Variants in ABCA5 observed in about 807,000 individuals in gnomAD.
ABCA5 encodes the protein cholesterol transporter ABCA5.
Under a neutral mutation model 206.0 loss-of-function variants are expected in ABCA5, and 163 were observed. The ratio of observed to expected loss-of-function variants is 0.79; its 90% CI spans 0.70 to 0.90. ABCA5 has a LOEUF of 0.90. Ranked by LOEUF, ABCA5 falls within the 40% of genes least tolerant of loss-of-function variation. The pLI, the probability that ABCA5 is intolerant of heterozygous loss-of-function variation, is 0.00. For synonymous variants in ABCA5, 609 were observed against 613.8 expected (o/e 0.99, Z 0.11); for missense variants, 1,859 against 1,912.9 (o/e 0.97, Z 0.53).
At chr17:69,248,671 T>C (rs982276195) in intron 37 of ABCA5, 1 of 187,360 alleles carries the variant, frequency 5.3e-6, no homozygotes, top group Non-Finnish European at 1.1e-5. Context: ...AACTAGATTC[T>C]GGATATTGGT....
At chr17:69,291,932 G>A (rs540526695) in intron 11 of ABCA5, among the ~76,000 whole-genome samples, 5 of 152,006 alleles carry the variant, frequency 3.3e-5, no homozygotes, top group African/African-American at 1.2e-4. Context: ...GGGCAACATG[G>A]CGAAATCCCG....
chr17:69,267,993 CAAT>C lies in ABCA5; in HGVS notation c.3091_3093del (p.Ile1031del), dbSNP rs2075229663. 7.4e-6 allele frequency: 12 copies of C among 1,612,186 alleles called. No individual in the cohort carries two copies. The highest frequency in any genetic ancestry group is 1.0e-5 in the Non-Finnish European group (12 of 1,178,804). ...GCAAAGTAAGGTGGCATTGCAGTAA[CAAT>C]GATTCCAAGCAAAGCTGCTTGAAAA... On this transcript the variant is annotated inframe_deletion, in exon 23 of 39. Transcript: ENST00000392676.
chr17:69,303,788 ATATAT>A (rs2075678620), intron 7 of ABCA5, among the ~76,000 whole-genome samples: 4 of 5,098 alleles, frequency 7.8e-4, no homozygotes, highest in Non-Finnish European at 5.4e-3. Context: ...AAAAAAAAAT[ATATAT>A]ATATATATAT....
chr17:69,309,058 G>A lies in ABCA5; in HGVS notation c.469+204C>T, dbSNP rs146854005. ...ATATAAATGTATTAAATCAAAATGG[G>A]TATATATAAAAATGTTTTATGTGTA... On this transcript the variant is annotated intron_variant, in intron 4 of 38. Coordinates refer to ENST00000392676, the MANE Select transcript of ABCA5 (RefSeq NM_172232.4). Among the ~76,000 whole-genome samples the A allele has an allele frequency of 7.7e-3, 1,165 of 152,012 alleles. 40 individuals are homozygous for A. The highest frequency in any genetic ancestry group is 0.059 in the Admixed American group (895 of 15,256).
rs762680374 is a variant in ABCA5, at chr17:69,304,818, G to A, written c.789-8C>T. 3.2e-6 allele frequency: 5 copies of A among 1,579,964 alleles called. No individual in the cohort carries two copies. The highest frequency in any genetic ancestry group is 4.3e-6 in the Non-Finnish European group (5 of 1,166,314). ...AGAAGAACCCAGGAAAGCCTAAAAT[G>A]AGAATACAGATATAGTTATGGTCAA... On this transcript the variant is annotated splice_region_variant and splice_polypyrimidine_tract_variant and intron_variant, in intron 6 of 38. Coordinates refer to ENST00000392676, the MANE Select transcript of ABCA5 (RefSeq NM_172232.4).
At position 69,309,248 on chromosome 17, in the gene ABCA5, G is replaced by T; in HGVS notation, c.469+14C>A. 1 of 1,536,022 alleles carries T rather than the reference G, an allele frequency of 6.5e-7. No individual in the cohort carries two copies. The highest frequency in any genetic ancestry group is 8.7e-7 in the Non-Finnish European group (1 of 1,146,476). ...CATTTAATTGATCTTCAATGATTAT[G>T]TAGGGCTATTTACCTCTTGAATCCA... On this transcript the variant is annotated intron_variant, in intron 4 of 38. Coordinates refer to ENST00000392676, the MANE Select transcript of ABCA5 (RefSeq NM_172232.4).
chr17:69,252,836 CA>C (rs34161698), intron 34 of ABCA5, among the ~76,000 whole-genome samples: 43,341 of 96,866 alleles, frequency 0.45, 7,154 homozygotes, highest in Middle Eastern at 0.56. Flanking sequence ...GACTCTGACT[CA>C]AAAAAAAAAA....
intron 11 of ABCA5, among the ~76,000 whole-genome samples, chr17:69,294,160 T>C (rs1482505459): frequency 6.6e-6 from 1 of 152,238 alleles, no homozygotes; most frequent in African/African-American, 2.4e-5. Context: ...TACTACATTT[T>C]ACTTTTACAA....
At chr17:69,321,426 A>G (rs2075864743) in intron 1 of ABCA5, among the ~76,000 whole-genome samples, 2 of 152,224 alleles carry the variant, frequency 1.3e-5, no homozygotes, top group Non-Finnish European at 2.9e-5. Flanking sequence ...CTTGGGATAC[A>G]AGAAACCCCG....
At chr17:69,250,427 C>T in intron 36 of ABCA5, 45 bp downstream of exon 36, 1 of 1,549,462 alleles carries the variant, frequency 6.5e-7, no homozygotes, top group African/African-American at 1.4e-5. Flanking sequence ...CTTTTTATAA[C>T]CTTTGCTCTA....
In ABCA5 at chr17:69,303,793, T is replaced by TATACAC. The variant is rs1555584048; in HGVS notation, c.930+875_930+876insGTGTAT. On this transcript the variant is annotated intron_variant, in intron 7 of 38. Coordinates refer to ENST00000392676, the MANE Select transcript of ABCA5 (RefSeq NM_172232.4). ...AAAAAAAAAAAAAAAAAAATATATA[T>TATACAC]ATATATATATATATACATACATATA... Among the ~76,000 whole-genome samples the TATACAC allele has an allele frequency of 3.1e-3, 14 of 4,488 alleles. 3 individuals are homozygous for TATACAC. The highest frequency in any genetic ancestry group is 0.1 in the South Asian group (1 of 10). The allele number at this position is 4,488 out of a possible 152,430, so 2.9% of individuals were successfully genotyped here.
rs61315865 is a variant in ABCA5 at position 69,293,833 on chromosome 17, GGT to G, written c.1495+820_1495+821del. Among the ~76,000 whole-genome samples the G allele has an allele frequency of 3.3e-3, 404 of 123,802 alleles. 5 individuals are homozygous for G. The highest frequency in any genetic ancestry group is 0.011 in the African/African-American group (351 of 33,416). 81.2% of individuals were successfully genotyped at this position (123,802 alleles called of 152,430 possible). The stretch of plus-strand genomic sequence containing the variant: ...TAATCCCCCACCCTACAATCATACT[GGT>G]GTGTGTGTGTGTGTGTGTGTGTGTG... On this transcript the variant is annotated intron_variant, in intron 11 of 38. Transcript: ENST00000392676.
In ABCA5 at chr17:69,287,878, A is replaced by G. The variant is rs2075477196; in HGVS notation, c.1903-127T>C. 7 of 879,656 alleles carry G rather than the reference A, an allele frequency of 8.0e-6. No homozygotes were observed. The South Asian group carries it at 2.4e-4, about 30-fold the overall frequency. The allele number at this position is 879,656 out of a possible 1,614,324, so 54.5% of individuals were successfully genotyped here. ...TTCAATCAGAAATATATTAGATCAGATTTTTTCATTCATAATTGAGTTCAC... is the reference window on the plus strand; with the variant it reads ...TTCAATCAGAAATATATTAGATCAGGTTTTTTCATTCATAATTGAGTTCAC... On this transcript the variant is annotated intron_variant, in intron 14 of 38. Coordinates refer to ENST00000392676, the MANE Select transcript of ABCA5 (RefSeq NM_172232.4).
In ABCA5 at chr17:69,245,826, T is replaced by C. The variant is rs1461052264; in HGVS notation, c.*1711A>G. On this transcript the variant is annotated 3_prime_UTR_variant, in exon 39 of 39. Transcript: ENST00000392676. ...AAATCTACGTGCAAAAGCAGGTAAT[T>C]TTCTTCATTAGTCATGCTCTATCTT... 6.6e-6 allele frequency: 1 copy of C among 151,976 alleles called. No individual in the cohort carries two copies. Among genetic ancestry groups the C allele is most frequent in the Non-Finnish European group, 1.5e-5 (1 of 67,838 alleles). The allele number at this position is 151,976 out of a possible 1,614,324, so 9.4% of individuals were successfully genotyped here.
chr17:69,279,873 A>T (rs2075372799), intron 18 of ABCA5, among the ~76,000 whole-genome samples: 1 of 152,220 alleles, frequency 6.6e-6, no homozygotes, highest in Admixed American at 6.5e-5. Context: ...ACCTTGTACA[A>T]AAATCAATTC....
chr17:69,275,995 TTG>T (rs1339941015), intron 19 of ABCA5, among the ~76,000 whole-genome samples: 2 of 151,444 alleles, frequency 1.3e-5, no homozygotes, highest in Admixed American at 1.3e-4. Context: ...GCCATCAGAA[TTG>T]TGAGAAAATA....
chr17:69,257,542 A>T (rs2075097545), intron 28 of ABCA5, among the ~76,000 whole-genome samples: 1 of 151,988 alleles, frequency 6.6e-6, no homozygotes, highest in Admixed American at 6.6e-5. Flanking sequence ...GAGTGGATGG[A>T]AGGTGAGTAA....
chr17:69,304,851 G>T (rs200623451), intron 6 of ABCA5, 41 bp from the exon 7 acceptor site: 30 of 1,432,382 alleles, frequency 2.1e-5, no homozygotes, highest in Non-Finnish European at 2.5e-5. Flanking sequence ...CAAATGCATA[G>T]GCTTAACCAG....
chr17:69,303,909 G>A, intron 7 of ABCA5, among the ~76,000 whole-genome samples: 1 of 139,766 alleles, frequency 7.2e-6, no homozygotes, highest in Middle Eastern at 3.5e-3. Context: ...AGCAAGGTGT[G>A]ATGGCACACA....
Sources: allele counts gnomAD v4.1 joint callset (sites outside exome capture counted in the v4.1 genomes callset), GRCh38; gene constraint gnomAD v4.1.1; transcripts MANE v1.5; gene names NCBI Gene and HGNC (gene_info 2026-07-23, HGNC 2026-07-21).